The following PHKA2 variants were observed in gnomAD, a reference collection of about 807,000 sequenced individuals.
PHKA2 encodes phosphorylase b kinase regulatory subunit alpha, liver isoform.
In PHKA2, 31 loss-of-function variants were observed where a neutral mutation model predicts 102.0. That is an observed-to-expected ratio of 0.30 (90% CI 0.23 to 0.41). The LOEUF is 0.41. Among genes scored for constraint, PHKA2 ranks in the 10% least tolerant of loss-of-function variants. The probability of loss-of-function intolerance (pLI) is 1.00; values close to 1 mark genes in which losing one functional copy is unlikely to be tolerated. For synonymous variants in PHKA2, 455 were observed against 416.2 expected, an observed-to-expected ratio of 1.09 and a Z score of -1.13; for missense variants, 858 against 1,023.1, an observed-to-expected ratio of 0.84 and a Z score of 2.20.
Position 18,908,785 on chromosome X carries a change from G to A in PHKA2, c.2360+16C>T. ...GGTATTTTGTTATAACTGCCCGAAT[G>A]GACTCAGACACTTACTTTATGACAT... On this transcript the variant is annotated intron_variant, in intron 21 of 32. Coordinates refer to ENST00000379942, the MANE Select transcript of PHKA2 (RefSeq NM_000292.3). The A allele has an allele frequency of 8.5e-7, 1 of 1,175,214 alleles. No individual in the cohort carries two copies. The highest frequency in any genetic ancestry group is 1.2e-6 in the Non-Finnish European group (1 of 862,294).
intron 1 of PHKA2, among the ~76,000 whole-genome samples, chrX:18,982,600 G>T (rs1284341899): frequency 8.9e-6 from 1 of 111,953 alleles, no homozygotes; most frequent in Non-Finnish European, 1.9e-5. Context: ...TTGGGAGGCC[G>T]TGGTGAGAGG....
intron 1 of PHKA2, among the ~76,000 whole-genome samples, chrX:18,968,124 G>A (rs1418543483): frequency 8.9e-6 from 1 of 111,792 alleles, no homozygotes; most frequent in Non-Finnish European, 1.9e-5. Context: ...CGGGTGCAGT[G>A]GCTCACACCT....
intron 18 of PHKA2, 51 bp from the exon 19 acceptor site, chrX:18,918,905 T>A (rs184235923): frequency 9.4e-7 from 1 of 1,068,866 alleles, no homozygotes; most frequent in Admixed American, 2.2e-5. Flanking sequence ...GCTGTAGAAA[T>A]ATGACTACAC....
chrX:18,921,623 G>A (rs933649632), intron 17 of PHKA2, among the ~76,000 whole-genome samples: 3 of 111,812 alleles, frequency 2.7e-5, no homozygotes, highest in African/African-American at 3.3e-5. Flanking sequence ...ATCATGAACT[G>A]AGCAGAAGTA....
intron 30 of PHKA2, chrX:18,895,812 C>T (rs2047539566): frequency 8.5e-6 from 1 of 117,506 alleles, no homozygotes. Context: ...TCTAACTGGC[C>T]ACCTTCTAAA....
At chrX:18,926,712 T>C (rs1200934403) in intron 13 of PHKA2, 125 bp from the exon 14 acceptor site, 8 of 686,130 alleles carry the variant, frequency 1.2e-5, no homozygotes, top group Non-Finnish European at 1.9e-5. Flanking sequence ...ATGCAATGAC[T>C]GGCTTTGGAA....
chrX:18,910,992 TGAGGAGGAAGAACAACA>T, intron 19 of PHKA2, 32 bp from the exon 20 acceptor site: 1 of 949,631 alleles, frequency 1.1e-6, no homozygotes, highest in Non-Finnish European at 1.5e-6. Flanking sequence ...AGAGTTATTC[TGAGGAGGAAGAACAACA>T]CTTTTTTTTT....
At position 18,901,541 on chromosome X, in the gene PHKA2, C is replaced by T. The variant is rs750628677; in HGVS notation, c.2971G>A (p.Gly991Arg). Reference protein sequence around the residue: ...TISIHEVGHTGVTKTERSGIN... With the variant: ...TISIHEVGHTRVTKTERSGIN... ...CCACTCCTCTCAGTTTTGGTGACTC[C>T]GGTATGGCCCACCTCGTGGATGGAG... is the stretch of plus-strand genomic sequence containing the variant. Residue 991 changes from glycine to arginine, a missense_variant, in exon 27 of 33, where the codon GGA (glycine) becomes AGA (arginine). Around this residue, in one of 2 missense-constraint regions of PHKA2, gnomAD observed 671 missense variants for 745.2 expected, o/e 0.90. Transcript: ENST00000379942. 4.6e-5 allele frequency: 55 copies of T among 1,203,809 alleles called. No individual in the cohort carries two copies. The highest frequency in any genetic ancestry group is 2.8e-4 in the South Asian group (16 of 56,660).
chrX:18,930,771 C>A, intron 12 of PHKA2, among the ~76,000 whole-genome samples: 1 of 111,346 alleles, frequency 9.0e-6, no homozygotes, highest in Non-Finnish European at 1.9e-5. Flanking sequence ...ACCTGTAAAA[C>A]AACTGTTTCA....
chrX:18,926,644 A>G, intron 13 of PHKA2, 57 bp from the exon 14 acceptor site: 1 of 1,111,823 alleles, frequency 9.0e-7, no homozygotes. Context: ...CTTCACATGG[A>G]CACGTGTTCC....
chrX:18,910,001 G>A (rs1309095842), intron 20 of PHKA2, among the ~76,000 whole-genome samples: 1 of 112,623 alleles, frequency 8.9e-6, no homozygotes, highest in Non-Finnish European at 1.9e-5. Flanking sequence ...GGCACTGAGT[G>A]TGCCACTGAG....
At chrX:18,931,501 C>T (rs778273560) in intron 12 of PHKA2, 140 bp downstream of exon 12, 5 of 554,321 alleles carry the variant, frequency 9.0e-6, no homozygotes, top group Non-Finnish European at 1.6e-5. Context: ...CCGGAGCCAA[C>T]ACGGTCCAGT....
chrX:18,937,462 T>C (rs1487554288), intron 10 of PHKA2, among the ~76,000 whole-genome samples: 1 of 111,314 alleles, frequency 9.0e-6, no homozygotes, highest in Non-Finnish European at 1.9e-5. Context: ...TACAACATAG[T>C]GTGACCCATG....
chrX:18,973,162 C>T (rs1316617541), intron 1 of PHKA2, among the ~76,000 whole-genome samples: 1 of 111,179 alleles, frequency 9.0e-6, no homozygotes, highest in African/African-American at 3.3e-5. Flanking sequence ...ACCACCACAT[C>T]ACATCCTAAT....
At chrX:18,975,504 C>T (rs1418557597) in intron 1 of PHKA2, among the ~76,000 whole-genome samples, 2 of 111,772 alleles carry the variant, frequency 1.8e-5, no homozygotes, top group African/African-American at 3.3e-5. Flanking sequence ...AGCATGAAAA[C>T]GGACTAATAC....
chrX:18,911,016 T>A, intron 19 of PHKA2, 56 bp from the exon 20 acceptor site: 8 of 814,017 alleles, frequency 9.8e-6, no homozygotes, highest in East Asian at 3.8e-5. Context: ...AACACTTTTT[T>A]TTTTTTTGAG....
At chrX:18,910,575 G>T (rs769309710) in intron 20 of PHKA2, among the ~76,000 whole-genome samples, 3 of 112,338 alleles carry the variant, frequency 2.7e-5, no homozygotes, top group African/African-American at 6.5e-5. Context: ...GTTAGGTAGT[G>T]AGCTTTTTCC....
chrX:18,965,797 G>A (rs1322753385), intron 1 of PHKA2, among the ~76,000 whole-genome samples: 1 of 111,927 alleles, frequency 8.9e-6, no homozygotes, highest in Non-Finnish European at 1.9e-5. Context: ...TGAGACAGGT[G>A]TGGTATTTAT....
At chrX:18,897,442 C>T (rs758916880) in intron 29 of PHKA2, 109 bp from the exon 30 acceptor site, 4 of 695,622 alleles carry the variant, frequency 5.8e-6, no homozygotes, top group Non-Finnish European at 8.5e-6. Context: ...GCCAGAACAC[C>T]ACTCGCCAGA....
Sources: gnomAD v4.1 joint callset for allele counts (sites outside exome capture counted in the v4.1 genomes callset) on GRCh38, gnomAD v4.1.1 for gene constraint, gnomAD v4.1.1 regional missense constraint, MANE v1.5 for transcripts, NCBI Gene and HGNC (gene_info 2026-07-23, HGNC 2026-07-21) for gene names.